AK5: variants seen among roughly 807,000 people sequenced by gnomAD.
AK5 encodes adenylate kinase isoenzyme 5.
AK5 carries 27 observed loss-of-function variants against 69.5 expected under a neutral mutation model. The ratio of observed to expected loss-of-function variants is 0.39; its 90% CI spans 0.29 to 0.54. AK5 has a LOEUF of 0.54. Ranked by LOEUF, AK5 falls within the 20% of genes least tolerant of loss-of-function variation. The pLI is 0.71. For synonymous variants in AK5, 260 were observed against 244.4 expected (o/e 1.06, Z -0.60); for missense variants, 531 against 700.4 (o/e 0.76, Z 2.73).
chr1:77,298,629 C>A (rs4949790), intron 5 of AK5, among the ~76,000 whole-genome samples: 84,193 of 140,756 alleles, frequency 0.6, 24,464 homozygotes, highest in Admixed American at 0.71. Flanking sequence ...TATGACGAAA[C>A]CCCATCTCTA....
intron 13 of AK5, among the ~76,000 whole-genome samples, chr1:77,557,837 A>G (rs557747969): frequency 2.0e-5 from 3 of 152,262 alleles, no homozygotes; most frequent in Admixed American, 2.0e-4. Flanking sequence ...AATTGGGCAT[A>G]GAGTTCCCAT....
At chr1:77,317,621 T>C (rs923690876) in intron 5 of AK5, among the ~76,000 whole-genome samples, 1 of 152,232 alleles carries the variant, frequency 6.6e-6, no homozygotes, top group African/African-American at 2.4e-5. Context: ...TAGAGTCTTC[T>C]CTTAACTACC....
At chr1:77,283,289 G>A in intron 1 of AK5, 1 of 985,436 alleles carries the variant, frequency 1.0e-6, no homozygotes, top group African/African-American at 1.7e-5. Context: ...TTTGCTTGAA[G>A]TAGGGGGGAG....
intron 5 of AK5, among the ~76,000 whole-genome samples, chr1:77,326,858 T>A (rs1252222000): frequency 3.6e-5 from 4 of 110,006 alleles, no homozygotes; most frequent in Non-Finnish European, 7.0e-5. Flanking sequence ...AGCTCCAAAT[T>A]TTTTTTGAAG....
At position 77,521,814 on chromosome 1, in the gene AK5, C is replaced by T. The variant is rs751057899; in HGVS notation, c.1312-13C>T. 61 of 1,606,024 alleles carry T rather than the reference C, an allele frequency of 3.8e-5. No homozygotes were observed. The highest frequency in any genetic ancestry group is 4.3e-5 in the Non-Finnish European group (50 of 1,173,120). On this transcript the variant is annotated splice_polypyrimidine_tract_variant and intron_variant, in intron 11 of 13. Transcript: ENST00000354567. ...AAAGAGCTCAGGTCCTGACCACTCT[C>T]GCTTTGCTCCAGGGCATCGTTTTGG... is the stretch of plus-strand genomic sequence containing the variant.
At chr1:77,412,646 G>T (rs1650122517) in intron 7 of AK5, among the ~76,000 whole-genome samples, 1 of 152,104 alleles carries the variant, frequency 6.6e-6, no homozygotes, top group Non-Finnish European at 1.5e-5. Flanking sequence ...AAATGTTGAT[G>T]ACTCACCCAA....
chr1:77,411,034 TGAC>T lies in AK5; in HGVS notation c.946_948del (p.Asp316del). ...TGTTCTATGACATCAGCATGGCAGT[TGAC>T]AACAAGTTATTTCCAAACAAAGAGG... is the stretch of plus-strand genomic sequence containing the variant. On this transcript the variant is annotated inframe_deletion, in exon 7 of 14. Coordinates refer to ENST00000354567, the MANE Select transcript of AK5 (RefSeq NM_174858.3). The T allele has an allele frequency of 6.2e-7, 1 of 1,613,880 alleles. No individual in the cohort carries two copies. Among genetic ancestry groups the T allele is most frequent in the East Asian group, 2.2e-5 (1 of 44,866 alleles).
chr1:77,286,955 A>T lies in AK5; in HGVS notation c.75A>T (p.Gly25=), dbSNP rs750935740. ...TTATATTTCAGAGCCTTTTGAATGG[A>T]CTGATGTGTTCTAAGCCCGAAGATC... is the stretch of plus-strand genomic sequence containing the variant. The part of the protein sequence containing the change: ...IPQLFESLLN[G]LMCSKPEDPV... The change falls in exon 2 of 14, where the codon GGA becomes GGT. Residue 25 remains glycine, a synonymous_variant. Coordinates refer to ENST00000354567, the MANE Select transcript of AK5 (RefSeq NM_174858.3). The T allele has an allele frequency of 5.9e-6, 9 of 1,519,846 alleles. No individual in the cohort carries two copies. In the South Asian group the frequency reaches 1.1e-4, roughly 18 times the overall value. The allele number at this position is 1,519,846 out of a possible 1,614,324, so 94.1% of individuals were successfully genotyped here. A position where few individuals can be genotyped will look rare whatever the true frequency, so the allele number is the denominator to read the frequency against.
intron 6 of AK5, among the ~76,000 whole-genome samples, chr1:77,357,274 A>G (rs888041562): frequency 7.3e-5 from 11 of 151,254 alleles, no homozygotes; most frequent in African/African-American, 2.7e-4. Flanking sequence ...TGAAGTCACA[A>G]AGACAAGGGT....
chr1:77,558,780 C>A lies in AK5; in HGVS notation c.*110C>A. 1.3e-6 allele frequency: 1 copy of A among 745,618 alleles called. No homozygotes were observed. The highest frequency in any genetic ancestry group is 2.4e-6 in the Non-Finnish European group (1 of 425,126). 46.2% of individuals were successfully genotyped at this position (745,618 alleles called of 1,614,324 possible). A position where few individuals can be genotyped will look rare whatever the true frequency, so the allele number is the denominator to read the frequency against. ...TTGTGTCACCGCCCCCACCAACCAC[C>A]ACCTCCTAAATCCTGACAGCACTGT... On this transcript the variant is annotated 3_prime_UTR_variant, in exon 14 of 14. Transcript: ENST00000354567.
chr1:77,368,274 T>TTA (rs1165385747), intron 6 of AK5, among the ~76,000 whole-genome samples: 23 of 58,318 alleles, frequency 3.9e-4, no homozygotes, highest in East Asian at 2.6e-3. Context: ...TATATATATG[T>TTA]TATATATGTT....
At chr1:77,374,649 A>G (rs1175260101) in intron 6 of AK5, among the ~76,000 whole-genome samples, 1 of 152,050 alleles carries the variant, frequency 6.6e-6, no homozygotes, top group African/African-American at 2.4e-5. Context: ...ATGAGACCCT[A>G]TCTCTACACA....
chr1:77,411,447 G>C (rs552025192), intron 7 of AK5, among the ~76,000 whole-genome samples: 86 of 152,102 alleles, frequency 5.7e-4, no homozygotes, highest in Non-Finnish European at 9.9e-4. Context: ...CTGGATAAAA[G>C]CATCCCCTCC....
intron 7 of AK5, among the ~76,000 whole-genome samples, chr1:77,416,888 G>T (rs1650464613): frequency 6.6e-6 from 1 of 152,118 alleles, no homozygotes; most frequent in South Asian, 2.1e-4. Context: ...TGGGTAGTTA[G>T]ATGATATATA....
intron 10 of AK5, among the ~76,000 whole-genome samples, chr1:77,509,393 G>A (rs143838322): frequency 6.6e-6 from 1 of 152,264 alleles, no homozygotes; most frequent in Non-Finnish European, 1.5e-5. Flanking sequence ...GTCCAAGAGT[G>A]TCAGTTCCCA....
intron 6 of AK5, among the ~76,000 whole-genome samples, chr1:77,347,637 A>G (rs1253682838): frequency 1.3e-5 from 2 of 152,196 alleles, no homozygotes; most frequent in African/African-American, 4.8e-5. Flanking sequence ...TTCTCTTTCA[A>G]TCTTTTGGAT....
At chr1:77,471,701 A>G (rs1287811926) in intron 8 of AK5, among the ~76,000 whole-genome samples, 4 of 152,250 alleles carry the variant, frequency 2.6e-5, no homozygotes, top group African/African-American at 9.6e-5. Flanking sequence ...GGAATGCCAC[A>G]TAAGGTGGCA....
intron 8 of AK5, among the ~76,000 whole-genome samples, chr1:77,447,564 C>A (rs1415756735): frequency 1.3e-5 from 2 of 151,704 alleles, no homozygotes; most frequent in African/African-American, 2.4e-5. Context: ...TTAAAAAAAA[C>A]CCTGTTATTC....
At chr1:77,491,072 A>T (rs143407688) in intron 10 of AK5, among the ~76,000 whole-genome samples, 49 of 152,148 alleles carry the variant, frequency 3.2e-4, no homozygotes, top group African/African-American at 1.1e-3. Context: ...ATTGGCATTG[A>T]TGCTGTGATA....
Sources: allele counts gnomAD v4.1 joint callset (sites outside exome capture counted in the v4.1 genomes callset), GRCh38; gene constraint gnomAD v4.1.1; transcripts MANE v1.5; gene names NCBI Gene and HGNC (gene_info 2026-07-23, HGNC 2026-07-21).